CDH13: variants seen among roughly 807,000 people sequenced by gnomAD.
CDH13 encodes cadherin-13.
CDH13 carries 24 observed loss-of-function variants against 63.8 expected under a neutral mutation model. The ratio of observed to expected loss-of-function variants is 0.38; its 90% CI spans 0.27 to 0.53. The LOEUF is 0.53. CDH13 is among the 20% of genes least tolerant of loss of function. The probability of loss-of-function intolerance (pLI) is 0.85; values close to 1 mark genes in which losing one functional copy is unlikely to be tolerated. For synonymous variants in CDH13, 503 were observed against 355.3 expected (o/e 1.42, Z -4.67); for missense variants, 1,049 against 903.1 (o/e 1.16, Z -2.07).
intron 2 of CDH13, chr16:82,953,501 C>T (rs1180662874): frequency 6.6e-6 from 1 of 152,142 alleles, no homozygotes; most frequent in Non-Finnish European, 1.5e-5. Flanking sequence ...CAAACAAAAA[C>T]ATCAAGATGT....
rs1317188791 is a variant in CDH13 at position 83,486,658 on chromosome 16, G to T, written c.960+3G>T. 1 of 1,612,892 alleles carries T rather than the reference G, an allele frequency of 6.2e-7. No individual in the cohort carries two copies. The highest frequency in any genetic ancestry group is 8.5e-7 in the Non-Finnish European group (1 of 1,179,074). On this transcript the variant is annotated splice_donor_region_variant and intron_variant, in intron 7 of 13. Transcript: ENST00000567109. ...CACCTGCGCTGCTGGACCGAGAGGT[G>T]AGCTGAAAAGAATACACTTTCTTTT...
chr16:83,647,777 A>C (rs1040562770), intron 8 of CDH13, among the ~76,000 whole-genome samples: 1 of 152,218 alleles, frequency 6.6e-6, no homozygotes, highest in African/African-American at 2.4e-5. Flanking sequence ...GGGTACCAGC[A>C]GTGGTGCTGG....
intron 6 of CDH13, among the ~76,000 whole-genome samples, chr16:83,346,586 CAT>C (rs1375108363): frequency 6.6e-6 from 1 of 152,144 alleles, no homozygotes; most frequent in East Asian, 1.9e-4. Flanking sequence ...TGAGCTTGCA[CAT>C]GTCTTTGTAT....
chr16:82,756,498 C>G (rs139420436), intron 1 of CDH13, among the ~76,000 whole-genome samples: 285 of 152,246 alleles, frequency 1.9e-3, no homozygotes, highest in African/African-American at 6.6e-3. Context: ...GTTAGTATAG[C>G]AGTTCCTTGC....
chr16:82,894,755 G>A (rs1457381219), intron 2 of CDH13, among the ~76,000 whole-genome samples: 2 of 152,210 alleles, frequency 1.3e-5, no homozygotes, highest in Admixed American at 1.3e-4. Flanking sequence ...AGCTAGCATG[G>A]CCACGGCAGG....
chr16:83,143,248 A>T (rs1213799495), intron 4 of CDH13, among the ~76,000 whole-genome samples: 1 of 152,226 alleles, frequency 6.6e-6, no homozygotes, highest in African/African-American at 2.4e-5. Flanking sequence ...TAGTTCACAT[A>T]TTATAAAATT....
At chr16:82,780,961 G>A (rs16958611) in intron 1 of CDH13, among the ~76,000 whole-genome samples, 2 of 152,230 alleles carry the variant, frequency 1.3e-5, no homozygotes, top group South Asian at 4.1e-4. Context: ...CTGTGACTTT[G>A]AATCAGGGTC....
intron 5 of CDH13, among the ~76,000 whole-genome samples, chr16:83,293,966 C>T (rs1567570253): frequency 6.6e-6 from 1 of 152,100 alleles, no homozygotes; most frequent in Non-Finnish European, 1.5e-5. Flanking sequence ...ATTGTTGCCC[C>T]TGTGAGCAGG....
intron 2 of CDH13, among the ~76,000 whole-genome samples, chr16:83,004,232 A>T (rs1056906014): frequency 2.0e-5 from 3 of 152,206 alleles, no homozygotes; most frequent in Non-Finnish European, 4.4e-5. Flanking sequence ...GGAGTCAGGG[A>T]TAAAGATAGG....
chr16:82,948,780 A>G (rs940588584), intron 2 of CDH13, among the ~76,000 whole-genome samples: 4 of 152,172 alleles, frequency 2.6e-5, no homozygotes, highest in African/African-American at 7.2e-5. Context: ...AAAAGGTACC[A>G]TATAACTAAT....
intron 2 of CDH13, among the ~76,000 whole-genome samples, chr16:82,873,060 C>T (rs1012159806): frequency 6.6e-6 from 1 of 152,168 alleles, no homozygotes; most frequent in African/African-American, 2.4e-5. Context: ...GAGATTTCTG[C>T]ATGGCTGCTG....
chr16:82,936,678 C>G (rs186995779), intron 2 of CDH13, among the ~76,000 whole-genome samples: 10 of 152,274 alleles, frequency 6.6e-5, no homozygotes, highest in Non-Finnish European at 1.5e-4. Context: ...TCGTAACGTT[C>G]ATATTGAAAC....
intron 2 of CDH13, among the ~76,000 whole-genome samples, chr16:82,947,111 C>G (rs1403818474): frequency 6.6e-6 from 1 of 150,914 alleles, no homozygotes; most frequent in Admixed American, 6.6e-5. Flanking sequence ...ACTGTCAATG[C>G]TAGCTAGTTG....
At chr16:83,521,330 C>T (rs1220728792) in intron 7 of CDH13, among the ~76,000 whole-genome samples, 1 of 151,254 alleles carries the variant, frequency 6.6e-6, no homozygotes, top group Non-Finnish European at 1.5e-5. Context: ...GTACTCTTTG[C>T]TCTTTGAAAT....
chr16:83,622,138 C>G (rs1280323933), intron 8 of CDH13, among the ~76,000 whole-genome samples: 2 of 152,232 alleles, frequency 1.3e-5, no homozygotes, highest in African/African-American at 2.4e-5. Flanking sequence ...GCTTTGGGAA[C>G]TGTAGCTCAT....
intron 6 of CDH13, among the ~76,000 whole-genome samples, chr16:83,469,564 C>T (rs2073403618): frequency 6.6e-6 from 1 of 152,146 alleles, no homozygotes; most frequent in African/African-American, 2.4e-5. Context: ...GCTTTCAGGG[C>T]AACCTTGATC....
chr16:82,787,962 G>A (rs949758106), intron 1 of CDH13, among the ~76,000 whole-genome samples: 1 of 149,978 alleles, frequency 6.7e-6, no homozygotes, highest in Non-Finnish European at 1.5e-5. Context: ...TAAGTAAGAG[G>A]ATGGTGTCAC....
rs1038970224 is a variant in CDH13, at chr16:83,780,305, G to A, written c.1915+104G>A. On this transcript the variant is annotated intron_variant, in intron 12 of 13. Coordinates refer to ENST00000567109, the MANE Select transcript of CDH13 (RefSeq NM_001257.5). ...CTGTTCTCTCAAGTATTCTCATTTG[G>A]TTCATTTTAAGTTATTGGCATATTA... 13 of 749,122 alleles carry A rather than the reference G, an allele frequency of 1.7e-5. No homozygotes were observed. The East Asian group carries it at 2.4e-4, about 14-fold the overall frequency. 46.4% of individuals were successfully genotyped at this position (749,122 alleles called of 1,614,324 possible).
chr16:83,318,478 C>T (rs1014733577), intron 5 of CDH13, among the ~76,000 whole-genome samples: 2 of 152,168 alleles, frequency 1.3e-5, no homozygotes, highest in Admixed American at 6.6e-5. Flanking sequence ...TCATAATCTT[C>T]TAAGGTTTGA....
Sources: gnomAD v4.1 joint callset for allele counts (sites outside exome capture counted in the v4.1 genomes callset) on GRCh38, gnomAD v4.1.1 for gene constraint, MANE v1.5 for transcripts, NCBI Gene and HGNC (gene_info 2026-07-23, HGNC 2026-07-21) for gene names.